PDE8B: variants seen among roughly 807,000 people sequenced by gnomAD.
The protein encoded by PDE8B is high affinity cAMP-specific and IBMX-insensitive 3',5'-cyclic phosphodiesterase 8B.
PDE8B carries 26 observed loss-of-function variants against 101.3 expected under a neutral mutation model. That is an observed-to-expected ratio of 0.26 (90% CI 0.19 to 0.36). The LOEUF (loss-of-function observed/expected upper bound fraction) is 0.36, where lower values mean the gene tolerates loss of function less well. Ranked by LOEUF, PDE8B falls within the 10% of genes least tolerant of loss-of-function variation. The pLI, the probability that PDE8B is intolerant of heterozygous loss-of-function variation, is 1.00. For synonymous variants in PDE8B, 424 were observed against 429.3 expected, an observed-to-expected ratio of 0.99 and a Z score of 0.15; for missense variants, 810 against 1,163.1, an observed-to-expected ratio of 0.70 and a Z score of 4.42.
intron 1 of PDE8B, among the ~76,000 whole-genome samples, chr5:77,301,673 G>A (rs1384548265): frequency 6.6e-6 from 1 of 152,222 alleles, no homozygotes; most frequent in Non-Finnish European, 1.5e-5. Flanking sequence ...GTTGAGGGAT[G>A]TCACGTTTTG....
chr5:77,425,917 T>G (rs1797986918), intron 21 of PDE8B, 21 bp downstream of exon 21: 1 of 1,609,762 alleles, frequency 6.2e-7, no homozygotes, highest in Non-Finnish European at 8.5e-7. Context: ...TACTGTTTTG[T>G]CACCCAAAGA....
chr5:77,275,011 C>CA (rs998561051), intron 1 of PDE8B, among the ~76,000 whole-genome samples: 15 of 151,356 alleles, frequency 9.9e-5, no homozygotes, highest in Admixed American at 1.3e-4. Flanking sequence ...CTGAGAAATG[C>CA]AAAAAAAATG....
chr5:77,297,326 C>T (rs1001719368), intron 1 of PDE8B, among the ~76,000 whole-genome samples: 1 of 152,190 alleles, frequency 6.6e-6, no homozygotes, highest in Admixed American at 6.5e-5. Flanking sequence ...TCATAGCACC[C>T]CTCACCACTA....
chr5:77,235,187 G>C (rs1193536699), intron 1 of PDE8B, among the ~76,000 whole-genome samples: 2 of 152,100 alleles, frequency 1.3e-5, no homozygotes, highest in African/African-American at 4.8e-5. Flanking sequence ...CCTTCCTTCT[G>C]GTATTTACCT....
chr5:77,135,473 AT>A, the PDE8B span, among the ~76,000 whole-genome samples: 4,314 of 121,468 alleles, frequency 0.036, 38 homozygotes, highest in African/African-American at 0.049. Context: ...AGCCAGAGGA[AT>A]TTTTTTTTTT....
intron 1 of PDE8B, among the ~76,000 whole-genome samples, chr5:77,255,975 G>T (rs1367710548): frequency 1.3e-5 from 2 of 152,204 alleles, no homozygotes; most frequent in African/African-American, 2.4e-5. Flanking sequence ...CAACTGTGTA[G>T]TGTGCCCTGG....
upstream of PDE8B, among the ~76,000 whole-genome samples, chr5:77,208,541 T>TA (rs1310055891): frequency 6.6e-6 from 1 of 152,220 alleles, no homozygotes; most frequent in African/African-American, 2.4e-5. Context: ...AGATGGTTGC[T>TA]ATGAGGCTTA....
intron 1 of PDE8B, among the ~76,000 whole-genome samples, chr5:77,302,031 C>T (rs757854939): frequency 3.9e-5 from 6 of 152,008 alleles, no homozygotes; most frequent in Non-Finnish European, 7.4e-5. Flanking sequence ...AATGCATAAT[C>T]GACATCAGGC....
the PDE8B span, chr5:77,118,613 C>T: frequency 2.6e-6 from 1 of 384,184 alleles, no homozygotes. Flanking sequence ...GAATGACCAT[C>T]TTAGTGATTC....
At chr5:77,379,652 C>T (rs916108802) in intron 10 of PDE8B, among the ~76,000 whole-genome samples, 10 of 152,120 alleles carry the variant, frequency 6.6e-5, no homozygotes, top group African/African-American at 2.4e-4. Flanking sequence ...GACAGGGGCC[C>T]AGAGTGTTGC....
At chr5:77,237,024 A>C (rs369458249) in intron 1 of PDE8B, among the ~76,000 whole-genome samples, 16 of 152,174 alleles carry the variant, frequency 1.1e-4, no homozygotes, top group African/African-American at 3.4e-4. Flanking sequence ...TTTTATGATT[A>C]TGTAATTTCC....
chr5:77,337,361 G>C, intron 6 of PDE8B, 46 bp downstream of exon 6: 2 of 976,258 alleles, frequency 2.0e-6, no homozygotes, highest in Non-Finnish European at 3.3e-6. Flanking sequence ...CAATTCTTTA[G>C]AAAATCTTAT....
chr5:77,256,916 G>T (rs1759302641), intron 1 of PDE8B, among the ~76,000 whole-genome samples: 1 of 152,066 alleles, frequency 6.6e-6, no homozygotes, highest in African/African-American at 2.4e-5. Flanking sequence ...CTGGTATTTT[G>T]CTTAGCTCTG....
chr5:77,414,278 G>T (rs1298459967), intron 17 of PDE8B, among the ~76,000 whole-genome samples: 1 of 152,168 alleles, frequency 6.6e-6, no homozygotes, highest in Non-Finnish European at 1.5e-5. Context: ...AAACAATGTG[G>T]CCCAAGAATG....
intron 10 of PDE8B, among the ~76,000 whole-genome samples, chr5:77,360,996 AAAATT>A (rs1196007796): frequency 2.0e-5 from 3 of 152,250 alleles, no homozygotes; most frequent in Non-Finnish European, 4.4e-5. Context: ...GCCATTATTA[AAAATT>A]AAATTATATA....
intron 19 of PDE8B, among the ~76,000 whole-genome samples, 179 bp from the exon 20 acceptor site, chr5:77,421,642 C>CT (rs1561694288): frequency 6.6e-6 from 1 of 151,920 alleles, no homozygotes; most frequent in Non-Finnish European, 1.5e-5. Context: ...TCAGTATATT[C>CT]TTTTTTTAAA....
At chr5:77,271,293 C>G (rs1762746216) in intron 1 of PDE8B, among the ~76,000 whole-genome samples, 1 of 152,200 alleles carries the variant, frequency 6.6e-6, no homozygotes, top group East Asian at 1.9e-4. Flanking sequence ...CTTCCTTGAC[C>G]ACCTCCAGCT....
At chr5:77,289,715 A>T (rs1259669324) in intron 1 of PDE8B, among the ~76,000 whole-genome samples, 2 of 152,234 alleles carry the variant, frequency 1.3e-5, no homozygotes, top group Non-Finnish European at 2.9e-5. Context: ...ATTTTTGGAA[A>T]ACTATCCTTT....
intron 12 of PDE8B, among the ~76,000 whole-genome samples, chr5:77,407,141 G>T (rs1037353304): frequency 1.3e-5 from 2 of 152,144 alleles, no homozygotes; most frequent in African/African-American, 4.8e-5. Context: ...TTCCCCTTGT[G>T]GACTTGGGGC....
Sources: allele counts gnomAD v4.1 joint callset (sites outside exome capture counted in the v4.1 genomes callset), GRCh38; gene constraint gnomAD v4.1.1; transcripts MANE v1.5; gene names NCBI Gene and HGNC (gene_info 2026-07-23, HGNC 2026-07-21).